The following IGF2BP2 variants were observed in gnomAD, a reference collection of about 807,000 sequenced individuals.
IGF2BP2 encodes the protein insulin-like growth factor 2 mRNA-binding protein 2.
A neutral mutation model predicts 75.8 loss-of-function variants in IGF2BP2; 17 were observed. That is an observed-to-expected ratio of 0.22 (90% CI 0.15 to 0.34). IGF2BP2 has a LOEUF of 0.34. IGF2BP2 is among the 10% of genes least tolerant of loss of function. IGF2BP2 has a pLI of 1.00. For missense variants in IGF2BP2, 516 were observed against 772.4 expected (o/e 0.67, Z 3.93); for synonymous variants, 288 against 295.6 (o/e 0.97, Z 0.26).
chr3:185,779,860 A>G (rs1328106602), intron 2 of IGF2BP2, among the ~76,000 whole-genome samples: 9 of 152,182 alleles, frequency 5.9e-5, no homozygotes, highest in Admixed American at 1.3e-4. Flanking sequence ...ATAAAATGTA[A>G]AGGTATATGA....
chr3:185,688,429 G>A (rs1171500092), intron 6 of IGF2BP2, among the ~76,000 whole-genome samples: 1 of 152,126 alleles, frequency 6.6e-6, no homozygotes, highest in Non-Finnish European at 1.5e-5. Context: ...TGCAACCTCC[G>A]CCTCCTGGGT....
At chr3:185,665,419 A>AAGGAAAAGG (rs1717289720) in intron 10 of IGF2BP2, among the ~76,000 whole-genome samples, 1 of 50,588 alleles carries the variant, frequency 2.0e-5, no homozygotes, top group Admixed American at 2.0e-4. Context: ...AAAGGAGGAG[A>AAGGAAAAGG]AGGAGAAGGA....
In IGF2BP2 at chr3:185,692,682, A is replaced by G. The variant is rs1560304540; in HGVS notation, c.404+17T>C. 3 of 1,591,014 alleles carry G rather than the reference A, an allele frequency of 1.9e-6. No individual in the cohort carries two copies. The highest frequency in any genetic ancestry group is 1.7e-6 in the Non-Finnish European group (2 of 1,163,366). On this transcript the variant is annotated intron_variant, in intron 5 of 15. Coordinates refer to ENST00000382199, the MANE Select transcript of IGF2BP2 (RefSeq NM_006548.6). ...AAACAAATAAATTTAAACAGAAATA[A>G]GCCCAAATCTGCTTACATTTTTGCT...
chr3:185,744,440 G>A (rs1291765320), intron 2 of IGF2BP2, among the ~76,000 whole-genome samples: 1 of 152,140 alleles, frequency 6.6e-6, no homozygotes, highest in African/African-American at 2.4e-5. Flanking sequence ...AGAAAAGGAG[G>A]TTTAAAATCT....
intron 2 of IGF2BP2, among the ~76,000 whole-genome samples, chr3:185,801,843 AGAGT>A (rs1304015457): frequency 1.3e-5 from 2 of 152,186 alleles, no homozygotes; most frequent in African/African-American, 2.4e-5. Context: ...AGCCATAAAA[AGAGT>A]GAGTTCATAT....
At chr3:185,735,607 G>C (rs1310109561) in intron 2 of IGF2BP2, among the ~76,000 whole-genome samples, 1 of 152,134 alleles carries the variant, frequency 6.6e-6, no homozygotes, top group Admixed American at 6.6e-5. Flanking sequence ...CAAGAAAAAA[G>C]AGCTAAATTA....
chr3:185,676,731 TG>T (rs1292265404), intron 7 of IGF2BP2, among the ~76,000 whole-genome samples: 1 of 136,774 alleles, frequency 7.3e-6, no homozygotes, highest in African/African-American at 2.8e-5. Flanking sequence ...TATATGGAGA[TG>T]TATATATATA....
At chr3:185,673,914 T>C (rs1402115887) in intron 9 of IGF2BP2, among the ~76,000 whole-genome samples, 3 of 152,196 alleles carry the variant, frequency 2.0e-5, no homozygotes, top group Non-Finnish European at 4.4e-5. Flanking sequence ...AAAGAGATGT[T>C]TACCACAAGA....
intron 2 of IGF2BP2, among the ~76,000 whole-genome samples, chr3:185,810,396 A>C (rs1341063460): frequency 6.6e-6 from 1 of 152,244 alleles, no homozygotes; most frequent in Non-Finnish European, 1.5e-5. Context: ...TTTTCAAACT[A>C]TTTAAAAGCA....
intron 2 of IGF2BP2, among the ~76,000 whole-genome samples, chr3:185,723,088 G>A (rs1726802241): frequency 1.3e-5 from 2 of 152,194 alleles, no homozygotes; most frequent in Non-Finnish European, 2.9e-5. Context: ...CAAATCAACA[G>A]AGACTTTTAC....
intron 2 of IGF2BP2, among the ~76,000 whole-genome samples, chr3:185,775,235 G>C (rs1310601448): frequency 6.6e-6 from 1 of 152,186 alleles, no homozygotes; most frequent in Admixed American, 6.5e-5. Flanking sequence ...CTCAGTAAAT[G>C]ATGGCAGTAA....
intron 2 of IGF2BP2, chr3:185,728,687 A>G (rs548176835): frequency 6.6e-6 from 1 of 152,334 alleles, no homozygotes; most frequent in East Asian, 1.9e-4. Context: ...CATTTTACAG[A>G]GAGTACACAG....
chr3:185,744,770 T>C (rs1051787005), intron 2 of IGF2BP2, among the ~76,000 whole-genome samples: 4 of 152,152 alleles, frequency 2.6e-5, no homozygotes, highest in Admixed American at 6.5e-5. Context: ...GACTGTGCCA[T>C]TGCACTCCAG....
chr3:185,798,951 A>AT (rs1737815616), intron 2 of IGF2BP2, among the ~76,000 whole-genome samples: 1 of 151,742 alleles, frequency 6.6e-6, no homozygotes, highest in Non-Finnish European at 1.5e-5. Flanking sequence ...TAATTCTTGT[A>AT]TTTTTTGTAG....
At chr3:185,782,663 G>C (rs1471566624) in intron 2 of IGF2BP2, among the ~76,000 whole-genome samples, 2 of 152,152 alleles carry the variant, frequency 1.3e-5, no homozygotes. Flanking sequence ...AGCGCAGACT[G>C]TCAATTAACA....
chr3:185,765,692 C>T (rs1578230666), intron 2 of IGF2BP2, among the ~76,000 whole-genome samples: 1 of 152,214 alleles, frequency 6.6e-6, no homozygotes, highest in African/African-American at 2.4e-5. Flanking sequence ...AAGCACACCA[C>T]TGCAGCAGCT....
At position 185,647,994 on chromosome 3, in the gene IGF2BP2, G is replaced by T. The variant is rs1577788286; in HGVS notation, c.1594-856C>A. Among the ~76,000 whole-genome samples, 1 of 152,354 alleles carries T rather than the reference G, an allele frequency of 6.6e-6. No homozygotes were observed. The highest frequency in any genetic ancestry group is 2.4e-5 in the African/African-American group (1 of 41,588). On this transcript the variant is annotated intron_variant, in intron 14 of 15. Coordinates refer to ENST00000382199, the MANE Select transcript of IGF2BP2 (RefSeq NM_006548.6). The surrounding 1 kb of genome is among the most constrained non-coding windows in gnomAD (Gnocchi z 4.9). ...CCTGCTGATCCATCTGCTTTCTTTTGCCTCCTACATTCCAGCTCCGCCTAA... is the reference window on the plus strand; with the variant it reads ...CCTGCTGATCCATCTGCTTTCTTTTTCCTCCTACATTCCAGCTCCGCCTAA...
At chr3:185,742,928 G>A (rs1320312290) in intron 2 of IGF2BP2, among the ~76,000 whole-genome samples, 2 of 151,872 alleles carry the variant, frequency 1.3e-5, no homozygotes, top group African/African-American at 2.4e-5. Context: ...GTGAAACCCC[G>A]TCTCTACTAA....
At chr3:185,728,583 T>G (rs1031888756) in intron 2 of IGF2BP2, 1 of 152,192 alleles carries the variant, frequency 6.6e-6, no homozygotes, top group Non-Finnish European at 1.5e-5. Flanking sequence ...ATCAAAAAAC[T>G]AGGTGAGTCT....
Sources: allele counts gnomAD v4.1 joint callset (sites outside exome capture counted in the v4.1 genomes callset), GRCh38; gene constraint gnomAD v4.1.1; non-coding constraint Gnocchi (gnomAD v3.1); transcripts MANE v1.5; gene names NCBI Gene and HGNC (gene_info 2026-07-23, HGNC 2026-07-21).